Variants in RANBP10 observed in about 807,000 individuals in gnomAD.
The protein encoded by RANBP10 is RAN binding protein 10.
Under a neutral mutation model 72.8 loss-of-function variants are expected in RANBP10, and 24 were observed. The observed-to-expected ratio is 0.33, with a 90% CI of 0.24 to 0.46. The LOEUF (loss-of-function observed/expected upper bound fraction) is 0.46, where lower values mean the gene tolerates loss of function less well. RANBP10 is among the 20% of genes least tolerant of loss of function. The pLI, the probability that RANBP10 is intolerant of heterozygous loss-of-function variation, is 1.00. For synonymous variants in RANBP10, 310 were observed against 322.3 expected (o/e 0.96, Z 0.41); for missense variants, 679 against 817.5 (o/e 0.83, Z 2.07).
chr16:67,765,577 C>T (rs994390597), intron 3 of RANBP10, among the ~76,000 whole-genome samples: 2 of 152,088 alleles, frequency 1.3e-5, no homozygotes, highest in African/African-American at 4.8e-5. Context: ...TGGCTCACGC[C>T]TGTAGTCCCA....
intron 3 of RANBP10, among the ~76,000 whole-genome samples, chr16:67,768,470 G>T (rs1197349612): frequency 6.6e-6 from 1 of 152,030 alleles, no homozygotes; most frequent in Non-Finnish European, 1.5e-5. Flanking sequence ...GCGGTGAGCC[G>T]AGATCGTGCC....
intron 3 of RANBP10, among the ~76,000 whole-genome samples, chr16:67,753,505 T>C (rs2143008301): frequency 1.3e-5 from 2 of 151,896 alleles, no homozygotes; most frequent in South Asian, 4.2e-4. Flanking sequence ...GAAAAGAAAA[T>C]GCAAAGCCAG....
At chr16:67,745,700 C>T (rs1214569599) in intron 3 of RANBP10, among the ~76,000 whole-genome samples, 2 of 152,082 alleles carry the variant, frequency 1.3e-5, no homozygotes, top group Non-Finnish European at 2.9e-5. Flanking sequence ...GCATTACCAC[C>T]ACCACGATCA....
At chr16:67,783,301 G>A (rs2054847576) in intron 2 of RANBP10, among the ~76,000 whole-genome samples, 1 of 152,134 alleles carries the variant, frequency 6.6e-6, no homozygotes. Flanking sequence ...AGGGCCACCT[G>A]ACTCTCACAC....
intron 2 of RANBP10, among the ~76,000 whole-genome samples, chr16:67,785,557 G>A (rs1216494490): frequency 2.0e-5 from 3 of 151,328 alleles, no homozygotes; most frequent in East Asian, 1.9e-4. Context: ...GCAAAACCCC[G>A]TCTCCACTAA....
intron 2 of RANBP10, among the ~76,000 whole-genome samples, chr16:67,786,713 A>G (rs1296570671): frequency 6.6e-6 from 1 of 152,106 alleles, no homozygotes; most frequent in Non-Finnish European, 1.5e-5. Context: ...AGATCAGTTA[A>G]GGTCAGGAGT....
chr16:67,806,264 C>T (rs1401693695), intron 1 of RANBP10, 38 bp downstream of exon 1: 1 of 1,562,792 alleles, frequency 6.4e-7, no homozygotes, highest in Non-Finnish European at 8.7e-7. Flanking sequence ...CCCACGGACG[C>T]TCTAGCCTTA....
intron 2 of RANBP10, among the ~76,000 whole-genome samples, chr16:67,795,864 C>CAAAA (rs1322220574): frequency 8.4e-6 from 1 of 119,210 alleles, no homozygotes; most frequent in African/African-American, 3.9e-5. Context: ...CAAAAATAAA[C>CAAAA]AAACAAACAA....
At position 67,729,841 on chromosome 16, in the gene RANBP10, C is replaced by T. The variant is rs370224723; in HGVS notation, c.999-13G>A. On this transcript the variant is annotated splice_polypyrimidine_tract_variant and intron_variant, in intron 8 of 13. Transcript: ENST00000317506. The surrounding 1 kb of genome is among the most constrained non-coding windows in gnomAD (Gnocchi z 7.1). The stretch of plus-strand genomic sequence containing the variant: ...AAACTGCCGGCACCTGTGGAGGGAG[C>T]GGAGCAATAATGCTCTGGTTGTGGT... The T allele has an allele frequency of 5.0e-6, 8 of 1,613,254 alleles. No individual in the cohort carries two copies. The highest frequency in any genetic ancestry group is 1.1e-5 in the South Asian group (1 of 91,028).
Position 67,726,027 on chromosome 16 carries a change from C to T in RANBP10, c.*401G>A, listed in dbSNP as rs1024209416. The T allele has an allele frequency of 3.6e-5, 6 of 165,390 alleles. No homozygotes were observed. The highest frequency in any genetic ancestry group is 1.5e-4 in the African/African-American group (6 of 41,168). The allele number at this position is 165,390 out of a possible 1,614,324, so 10.2% of individuals were successfully genotyped here. A position where few individuals can be genotyped will look rare whatever the true frequency, so the allele number is the denominator to read the frequency against. The stretch of plus-strand genomic sequence containing the variant: ...TTTACTTATGAAAATAATAAGCTAT[C>T]ACCAACTTGGATAGGCTTCATCACT... On this transcript the variant is annotated 3_prime_UTR_variant, in exon 14 of 14. Transcript: ENST00000317506.
intron 3 of RANBP10, among the ~76,000 whole-genome samples, chr16:67,756,531 C>T (rs868523101): frequency 2.6e-5 from 4 of 151,864 alleles, no homozygotes; most frequent in Admixed American, 6.6e-5. Flanking sequence ...GGTGAAACCT[C>T]GTCTCTACTA....
intron 3 of RANBP10, among the ~76,000 whole-genome samples, chr16:67,745,951 G>A (rs559791052): frequency 6.6e-6 from 1 of 151,986 alleles, no homozygotes; most frequent in African/African-American, 2.4e-5. Flanking sequence ...GAGGTCGGGA[G>A]TTCAAGACAA....
chr16:67,723,220 T>A lies in RANBP10; in HGVS notation c.*3208A>T, dbSNP rs1271074205. On this transcript the variant is annotated 3_prime_UTR_variant, in exon 14 of 14. Transcript: ENST00000317506. ...CCACAAGTTTCATGCTAATGCCAAG[T>A]ATCAACTCTTGAGGACAAAGGCAAA... 2 of 152,662 alleles carry A rather than the reference T, an allele frequency of 1.3e-5. No individual in the cohort carries two copies. Among genetic ancestry groups the A allele is most frequent in the African/African-American group, 4.8e-5 (2 of 41,452 alleles). The allele number at this position is 152,662 out of a possible 1,614,324, so 9.5% of individuals were successfully genotyped here. A position where few individuals can be genotyped will look rare whatever the true frequency, so the allele number is the denominator to read the frequency against.
intron 2 of RANBP10, among the ~76,000 whole-genome samples, chr16:67,786,156 C>T (rs2054914112): frequency 6.6e-6 from 1 of 151,412 alleles, no homozygotes; most frequent in Admixed American, 6.6e-5. Flanking sequence ...TGGCAAGACC[C>T]CATCTCTACA....
intron 2 of RANBP10, among the ~76,000 whole-genome samples, chr16:67,794,310 T>C (rs1447133460): frequency 6.6e-6 from 1 of 151,712 alleles, no homozygotes; most frequent in Non-Finnish European, 1.5e-5. Context: ...TGGTGGTGCA[T>C]GCCTGTAACC....
intron 3 of RANBP10, among the ~76,000 whole-genome samples, chr16:67,768,707 C>T (rs977068319): frequency 6.6e-6 from 1 of 152,056 alleles, no homozygotes; most frequent in Non-Finnish European, 1.5e-5. Context: ...CAAAGTGAGA[C>T]CCTGTCTTTA....
chr16:67,773,544 C>A (rs2054644674), intron 2 of RANBP10, among the ~76,000 whole-genome samples: 2 of 152,260 alleles, frequency 1.3e-5, no homozygotes, highest in Admixed American at 6.5e-5. Context: ...GGGGGAGCAG[C>A]CTCTACTACC....
chr16:67,784,969 G>GGAGGCC (rs1365825368), intron 2 of RANBP10, among the ~76,000 whole-genome samples: 12 of 151,862 alleles, frequency 7.9e-5, no homozygotes, highest in Non-Finnish European at 1.2e-4. Flanking sequence ...CAGCACTTTG[G>GGAGGCC]GAGGCCGAGG....
In RANBP10 at chr16:67,788,309, G is replaced by T. The variant is rs191240076; in HGVS notation, c.348-16223C>A. On this transcript the variant is annotated intron_variant, in intron 2 of 13. Coordinates refer to ENST00000317506, the MANE Select transcript of RANBP10 (RefSeq NM_020850.3). ...GCTCTGTCGCCCAGGCTGGAGTGCA[G>T]TGGTGCGATCTCGGCTCAATGCAAG... Among the ~76,000 whole-genome samples, 533 of 150,462 alleles carry T rather than the reference G, an allele frequency of 3.5e-3. 4 individuals are homozygous for T. The highest frequency in any genetic ancestry group is 0.012 in the African/African-American group (493 of 39,932).
Sources: gnomAD v4.1 joint callset for allele counts (sites outside exome capture counted in the v4.1 genomes callset) on GRCh38, gnomAD v4.1.1 for gene constraint, Gnocchi (gnomAD v3.1) non-coding constraint, MANE v1.5 for transcripts, NCBI Gene and HGNC (gene_info 2026-07-23, HGNC 2026-07-21) for gene names.